The following XXYLT1 variants were observed in gnomAD, a reference collection of about 807,000 sequenced individuals.
XXYLT1 encodes the protein UDP-xylose:alpha-xyloside alpha-1,3-xylosyltransferase.
XXYLT1 carries 20 observed loss-of-function variants against 28.9 expected under a neutral mutation model. The observed-to-expected ratio is 0.69, with a 90% CI of 0.49 to 1.00. XXYLT1 has a LOEUF of 1.00. Ranked by LOEUF, XXYLT1 falls within the 50% of genes least tolerant of loss-of-function variation. XXYLT1 has a pLI of 0.00. For synonymous variants in XXYLT1, 257 were observed against 253.8 expected (o/e 1.01, Z -0.12); for missense variants, 542 against 560.1 (o/e 0.97, Z 0.33).
At chr3:195,109,268 A>G (rs1717320419) in intron 3 of XXYLT1, among the ~76,000 whole-genome samples, 1 of 152,206 alleles carries the variant, frequency 6.6e-6, no homozygotes, top group African/African-American at 2.4e-5. Flanking sequence ...CCTTCACTAT[A>G]GCTGAACACC....
intron 1 of XXYLT1, among the ~76,000 whole-genome samples, chr3:195,253,983 G>C (rs570619059): frequency 2.0e-5 from 3 of 152,198 alleles, no homozygotes. Flanking sequence ...AGAGGGAAAC[G>C]GTGCTCTCGG....
intron 3 of XXYLT1, among the ~76,000 whole-genome samples, chr3:195,071,447 C>T (rs1714804457): frequency 6.6e-6 from 1 of 152,206 alleles, no homozygotes; most frequent in Admixed American, 6.5e-5. Context: ...AGGAACCTTC[C>T]TCAAGGTCTC....
chr3:195,184,622 A>T, intron 2 of XXYLT1: 1 of 985,426 alleles, frequency 1.0e-6, no homozygotes, highest in Non-Finnish European at 1.2e-6. Context: ...CTCCCTGATT[A>T]GGTCTACTTA....
intron 1 of XXYLT1, among the ~76,000 whole-genome samples, chr3:195,260,265 GA>G (rs1725643597): frequency 6.6e-6 from 1 of 151,180 alleles, no homozygotes; most frequent in Admixed American, 6.6e-5. Context: ...CCGGGCGGGG[GA>G]GGGACCGCGC....
intron 3 of XXYLT1, among the ~76,000 whole-genome samples, chr3:195,081,956 A>G (rs1179432471): frequency 1.3e-5 from 2 of 152,220 alleles, no homozygotes; most frequent in Non-Finnish European, 2.9e-5. Context: ...GTCAGTCCTG[A>G]AAGCCTGCAG....
chr3:195,140,903 C>G (rs73062367), intron 3 of XXYLT1, among the ~76,000 whole-genome samples: 6,408 of 152,062 alleles, frequency 0.042, 463 homozygotes, highest in African/African-American at 0.15. Context: ...GGATGGTATT[C>G]GGGGGATTTG....
intron 2 of XXYLT1, among the ~76,000 whole-genome samples, chr3:195,161,681 C>T (rs1396701742): frequency 6.8e-6 from 1 of 146,604 alleles, no homozygotes; most frequent in Non-Finnish European, 1.5e-5. Flanking sequence ...GTCACCCTGG[C>T]TGGAGGGCAA....
At chr3:195,100,703 T>A (rs956589760) in intron 3 of XXYLT1, among the ~76,000 whole-genome samples, 2 of 151,990 alleles carry the variant, frequency 1.3e-5, no homozygotes, top group Non-Finnish European at 2.9e-5. Flanking sequence ...CCAGAAAACT[T>A]CTTGTCACGA....
intron 3 of XXYLT1, among the ~76,000 whole-genome samples, chr3:195,083,758 G>C (rs1364339008): frequency 6.6e-6 from 1 of 152,216 alleles, no homozygotes; most frequent in African/African-American, 2.4e-5. Flanking sequence ...GTGCACAGTG[G>C]CTCATGCCGC....
chr3:195,119,867 T>C (rs1165664784), intron 3 of XXYLT1, among the ~76,000 whole-genome samples: 1 of 150,442 alleles, frequency 6.6e-6, no homozygotes, highest in Non-Finnish European at 1.5e-5. Flanking sequence ...TGTTCTGCAG[T>C]TGAAACAACA....
chr3:195,205,274 C>T (rs1723022895), intron 2 of XXYLT1, among the ~76,000 whole-genome samples: 2 of 152,168 alleles, frequency 1.3e-5, no homozygotes, highest in South Asian at 4.1e-4. Context: ...CCAAGCTGTC[C>T]TTAAATGGAT....
rs527395055 is a variant in XXYLT1, at chr3:195,121,923, G to T, written c.785+34526C>A. The T allele has an allele frequency of 7.7e-6, 5 of 653,534 alleles. No homozygotes were observed. The Middle Eastern group carries it at 1.3e-3, about 174-fold the overall frequency. 40.5% of individuals were successfully genotyped at this position (653,534 alleles called of 1,614,324 possible). A position where few individuals can be genotyped will look rare whatever the true frequency, so the allele number is the denominator to read the frequency against. The stretch of plus-strand genomic sequence containing the variant: ...GGGCCTCCAAGAGAAAGCCCAGCCT[G>T]GACCCTACATTGTCATCCTCCATTC... On this transcript the variant is annotated intron_variant, in intron 3 of 3. Coordinates refer to ENST00000310380, the MANE Select transcript of XXYLT1 (RefSeq NM_152531.5).
At chr3:195,123,801 C>G (rs771300610) in intron 3 of XXYLT1, among the ~76,000 whole-genome samples, 1 of 152,180 alleles carries the variant, frequency 6.6e-6, no homozygotes, top group Non-Finnish European at 1.5e-5. Flanking sequence ...GCTACAGGGT[C>G]TGGGCCACTG....
At chr3:195,249,473 A>C (rs1725165601) in intron 1 of XXYLT1, among the ~76,000 whole-genome samples, 1 of 152,202 alleles carries the variant, frequency 6.6e-6, no homozygotes, top group Admixed American at 6.5e-5. Context: ...GGGATCACAA[A>C]GAAAGGAAAC....
Position 195,110,326 on chromosome 3 carries a change from G to GTCTGT in XXYLT1, c.786-40216_786-40215insACAGA, listed in dbSNP as rs879909188. Among the ~76,000 whole-genome samples, 40 of 17,632 alleles carry GTCTGT rather than the reference G, an allele frequency of 2.3e-3. 3 individuals carry two copies. Among genetic ancestry groups the GTCTGT allele is most frequent in the African/African-American group, 4.4e-3 (18 of 4,096 alleles). The allele number at this position is 17,632 out of a possible 152,430, so 11.6% of individuals were successfully genotyped here. ...GGTATATGTGTGTGTGGGTGAGGGT[G>GTCTGT]AGGTGTGTGTATGTGTGTGGTGTGT... On this transcript the variant is annotated intron_variant, in intron 3 of 3. Transcript: ENST00000310380.
At chr3:195,246,272 AAAG>A (rs748669605) in intron 1 of XXYLT1, among the ~76,000 whole-genome samples, 1 of 152,248 alleles carries the variant, frequency 6.6e-6, no homozygotes, top group Non-Finnish European at 1.5e-5. Flanking sequence ...CGACTGGAAG[AAAG>A]AAGACCTGCG....
At chr3:195,243,026 A>G (rs1270441774) in intron 1 of XXYLT1, among the ~76,000 whole-genome samples, 1 of 152,180 alleles carries the variant, frequency 6.6e-6, no homozygotes, top group Non-Finnish European at 1.5e-5. Context: ...AATACTATGC[A>G]GACACAAAAA....
At chr3:195,083,041 C>T (rs910558272) in intron 3 of XXYLT1, among the ~76,000 whole-genome samples, 4 of 151,772 alleles carry the variant, frequency 2.6e-5, no homozygotes, top group African/African-American at 9.7e-5. Context: ...AAGCCCCTGA[C>T]TCTGTGACAA....
At chr3:195,103,083 T>C (rs1322522973) in intron 3 of XXYLT1, among the ~76,000 whole-genome samples, 1 of 152,212 alleles carries the variant, frequency 6.6e-6, no homozygotes, top group African/African-American at 2.4e-5. Flanking sequence ...ATCAACCCCG[T>C]ACTGCCAGCC....
Sources: allele counts gnomAD v4.1 joint callset (sites outside exome capture counted in the v4.1 genomes callset), GRCh38; gene constraint gnomAD v4.1.1; transcripts MANE v1.5; gene names NCBI Gene and HGNC (gene_info 2026-07-23, HGNC 2026-07-21).